RSRC1: variants seen among roughly 807,000 people sequenced by gnomAD.
RSRC1 encodes the protein serine/Arginine-related protein 53.
A neutral mutation model predicts 49.1 loss-of-function variants in RSRC1; 39 were observed. The observed-to-expected ratio is 0.79, with a 90% CI of 0.61 to 1.04. RSRC1 has a LOEUF of 1.04. Among genes scored for constraint, RSRC1 ranks in the 50% least tolerant of loss-of-function variants. The pLI is 0.00. For synonymous variants in RSRC1, 143 were observed against 130.8 expected (o/e 1.09, Z -0.63); for missense variants, 388 against 402.4 (o/e 0.96, Z 0.31).
At position 158,329,925 on chromosome 3, in the gene RSRC1, C is replaced by T. The variant is rs570568779; in HGVS notation, c.532-24932C>T. On this transcript the variant is annotated intron_variant, in intron 5 of 9. Transcript: ENST00000611884. ...CTGCTTTGTTCACCTACTCAAGCCT[C>T]AGCAGCGGTGGGCACCCCTCCACCA... Among the ~76,000 whole-genome samples the T allele has an allele frequency of 3.3e-5, 5 of 152,350 alleles. No homozygotes were observed. In the East Asian group the frequency reaches 9.7e-4, roughly 29 times the overall value.
chr3:158,458,055 T>C (rs1001286227), intron 6 of RSRC1, among the ~76,000 whole-genome samples: 2 of 151,996 alleles, frequency 1.3e-5, no homozygotes, highest in African/African-American at 4.8e-5. Context: ...CAAAGAAGGA[T>C]TGATGAACGT....
At chr3:158,172,182 G>C (rs1241600637) in intron 3 of RSRC1, among the ~76,000 whole-genome samples, 6 of 152,066 alleles carry the variant, frequency 3.9e-5, no homozygotes, top group Non-Finnish European at 8.8e-5. Flanking sequence ...TTCTAAATTT[G>C]ATAAAGTTAT....
At chr3:158,135,222 T>G (rs1373087679) in intron 3 of RSRC1, among the ~76,000 whole-genome samples, 1 of 152,076 alleles carries the variant, frequency 6.6e-6, no homozygotes, top group African/African-American at 2.4e-5. Context: ...GCTCAGAATG[T>G]GTTTTGGATA....
chr3:158,469,523 A>G (rs894675958), intron 7 of RSRC1: 6 of 203,584 alleles, frequency 2.9e-5, no homozygotes, highest in African/African-American at 9.5e-5. Flanking sequence ...CAGAGATCAA[A>G]TAGAATGGTT....
chr3:158,156,702 GAA>G (rs963651813), intron 3 of RSRC1, among the ~76,000 whole-genome samples: 1 of 152,196 alleles, frequency 6.6e-6, no homozygotes, highest in Non-Finnish European at 1.5e-5. Flanking sequence ...CCATAGGAGA[GAA>G]ACAGAGATGG....
At chr3:158,482,512 T>G (rs1035029377) in intron 7 of RSRC1, among the ~76,000 whole-genome samples, 2 of 152,050 alleles carry the variant, frequency 1.3e-5, no homozygotes, top group Non-Finnish European at 2.9e-5. Context: ...AAACAAAGCT[T>G]CTGTTTCATT....
chr3:158,145,876 T>C (rs1173470147), intron 3 of RSRC1, among the ~76,000 whole-genome samples: 1 of 152,182 alleles, frequency 6.6e-6, no homozygotes, highest in African/African-American at 2.4e-5. Flanking sequence ...TCCTAGGTAT[T>C]TTATTCTCTT....
intron 4 of RSRC1, chr3:158,225,695 C>A: frequency 4.4e-6 from 2 of 453,576 alleles, no homozygotes; most frequent in Non-Finnish European, 8.9e-6. Context: ...AAGAAACTTA[C>A]ATCTAACAGG....
rs190123176 is a variant in RSRC1 at position 158,502,926 on chromosome 3, G to A, written c.653-34166G>A. ...TGCTGGTAAAGTAGTGTGATTTTTG[G>A]GGGTTGTCAAAGAGCCTTGTTTTGT... On this transcript the variant is annotated intron_variant, in intron 7 of 9. Coordinates refer to ENST00000611884, the MANE Select transcript of RSRC1 (RefSeq NM_001271838.2). Among the ~76,000 whole-genome samples, 736 of 152,194 alleles carry A rather than the reference G, an allele frequency of 4.8e-3. 3 individuals are homozygous for A. The highest frequency in any genetic ancestry group is 0.017 in the African/African-American group (698 of 41,518).
chr3:158,138,894 G>A (rs574970538), intron 3 of RSRC1, among the ~76,000 whole-genome samples: 1 of 152,210 alleles, frequency 6.6e-6, no homozygotes, highest in Non-Finnish European at 1.5e-5. Context: ...GTGTTTTATG[G>A]TGGGGTTGAT....
chr3:158,161,826 T>C (rs1391278785), intron 3 of RSRC1, among the ~76,000 whole-genome samples: 2 of 152,040 alleles, frequency 1.3e-5, no homozygotes, highest in Non-Finnish European at 2.9e-5. Context: ...GCCTGAAAGA[T>C]GATTAATTCA....
intron 4 of RSRC1, among the ~76,000 whole-genome samples, chr3:158,225,340 C>T (rs868405672): frequency 6.6e-6 from 1 of 151,850 alleles, no homozygotes. Context: ...TATCTCCCTA[C>T]TATGATTAAC....
chr3:158,379,293 C>T (rs561423236), intron 6 of RSRC1, among the ~76,000 whole-genome samples: 41 of 150,464 alleles, frequency 2.7e-4, no homozygotes, highest in African/African-American at 9.8e-4. Context: ...CTCCGCCTCC[C>T]GGGTTCATGC....
intron 5 of RSRC1, among the ~76,000 whole-genome samples, chr3:158,326,325 C>T (rs1578340287): frequency 6.6e-6 from 1 of 152,110 alleles, no homozygotes; most frequent in East Asian, 1.9e-4. Flanking sequence ...AAAGGGAATG[C>T]TTCCAGTTTT....
intron 4 of RSRC1, among the ~76,000 whole-genome samples, chr3:158,256,678 C>T (rs1028690735): frequency 1.3e-5 from 2 of 152,082 alleles, no homozygotes; most frequent in South Asian, 2.1e-4. Flanking sequence ...TAGTAGAATT[C>T]GGCTGTGAAT....
At chr3:158,520,041 C>T (rs1348951393) in intron 7 of RSRC1, among the ~76,000 whole-genome samples, 1 of 152,066 alleles carries the variant, frequency 6.6e-6, no homozygotes, top group Non-Finnish European at 1.5e-5. Context: ...GAATGACGGA[C>T]TGGAGAAGAA....
At chr3:158,174,163 G>A (rs1031679746) in intron 3 of RSRC1, among the ~76,000 whole-genome samples, 5 of 151,588 alleles carry the variant, frequency 3.3e-5, no homozygotes, top group Non-Finnish European at 2.9e-5. Flanking sequence ...TTCTCTCAAC[G>A]TTGGGGTTGT....
chr3:158,369,103 G>A (rs1364220785), intron 6 of RSRC1, among the ~76,000 whole-genome samples: 1 of 151,930 alleles, frequency 6.6e-6, no homozygotes, highest in Admixed American at 6.6e-5. Flanking sequence ...AATAATGAGT[G>A]CCATTTATTG....
chr3:158,294,306 C>G (rs919859879), intron 4 of RSRC1, among the ~76,000 whole-genome samples: 2 of 151,992 alleles, frequency 1.3e-5, no homozygotes, highest in African/African-American at 4.8e-5. Flanking sequence ...TCAATCCATC[C>G]TCTGAATTCT....
Sources: gnomAD v4.1 joint callset for allele counts (sites outside exome capture counted in the v4.1 genomes callset) on GRCh38, gnomAD v4.1.1 for gene constraint, MANE v1.5 for transcripts, NCBI Gene and HGNC (gene_info 2026-07-23, HGNC 2026-07-21) for gene names.